The following RET variants were observed in gnomAD, a reference collection of about 807,000 sequenced individuals.
The protein encoded by RET is proto-oncogene tyrosine-protein kinase receptor Ret.
In RET, 19 loss-of-function variants were observed where a neutral mutation model predicts 118.3. The ratio of observed to expected loss-of-function variants is 0.16; its 90% confidence interval spans 0.11 to 0.24. The LOEUF (loss-of-function observed/expected upper bound fraction) is 0.24. Among genes scored for constraint, RET ranks in the 10% least tolerant of loss-of-function variants. RET has a pLI of 1.00. For synonymous variants in RET, 597 were observed against 644.1 expected (o/e 0.93, Z 1.11); for missense variants, 1,219 against 1,502.1 (o/e 0.81, Z 3.12).
intron 1 of RET, among the ~76,000 whole-genome samples, chr10:43,095,619 T>A (rs1184922222): frequency 6.6e-6 from 1 of 152,228 alleles, no homozygotes; most frequent in Non-Finnish European, 1.5e-5. Context: ...GTCTAGCACT[T>A]CACTCTGTCA....
rs756270716 is a variant in RET, at chr10:43,126,525, A to G, written c.3040-50A>G. The stretch of plus-strand genomic sequence containing the variant: ...GATGGCTTGTTGTATACTGAGTTGT[A>G]TCTAGTTGTGGCACATGGCTTGGAG... On this transcript the variant is annotated intron_variant, in intron 18 of 19. Transcript: ENST00000355710. The G allele has an allele frequency of 6.0e-6, 9 of 1,505,206 alleles. No homozygotes were observed. In the Admixed American group the frequency reaches 6.7e-5, roughly 11 times the overall value. The allele number at this position is 1,505,206 out of a possible 1,614,324, so 93.2% of individuals were successfully genotyped here.
rs1359755826 is a variant in RET, at chr10:43,077,086, A to G, written c.-173A>G. 24 of 938,582 alleles carry G rather than the reference A, an allele frequency of 2.6e-5. No homozygotes were observed. The highest frequency in any genetic ancestry group is 3.0e-5 in the Non-Finnish European group (22 of 726,606). The allele number at this position is 938,582 out of a possible 1,614,324, so 58.1% of individuals were successfully genotyped here. A position where few individuals can be genotyped will look rare whatever the true frequency, so the allele number is the denominator to read the frequency against. ...CTCGCTTCAGTCCCGCGACCGAAGC[A>G]GGGCGCGCAGCAGCGCTGAGTGCCC... is the stretch of plus-strand genomic sequence containing the variant. On this transcript the variant is annotated 5_prime_UTR_variant, in exon 1 of 20. Transcript: ENST00000355710.
intron 1 of RET, among the ~76,000 whole-genome samples, chr10:43,092,887 C>T (rs570497249): frequency 7.2e-5 from 11 of 152,334 alleles, no homozygotes; most frequent in East Asian, 3.9e-4. Flanking sequence ...ACAGCCTGCC[C>T]GTGGCTCCAG....
intron 19 of RET, chr10:43,127,368 T>C: frequency 3.8e-6 from 4 of 1,064,934 alleles, no homozygotes; most frequent in Non-Finnish European, 4.5e-6. Flanking sequence ...CGGTTGTCAC[T>C]TATGAAGTCA....
intron 15 of RET, among the ~76,000 whole-genome samples, chr10:43,120,959 A>G (rs1442657264): frequency 1.3e-5 from 2 of 152,118 alleles, no homozygotes; most frequent in Non-Finnish European, 2.9e-5. Context: ...AAAAAACCAC[A>G]AAAGGCGACT....
In RET at chr10:43,122,950, T is replaced by C. The variant is rs113711478; in HGVS notation, c.2802-721T>C. Among the ~76,000 whole-genome samples the C allele has an allele frequency of 5.0e-3, 765 of 152,208 alleles. 4 individuals carry two copies. Among genetic ancestry groups the C allele is most frequent in the African/African-American group, 0.017 (713 of 41,516 alleles). On this transcript the variant is annotated intron_variant, in intron 16 of 19. Coordinates refer to ENST00000355710, the MANE Select transcript of RET (RefSeq NM_020975.6). ...AATACTGTGGGCTGTGAATAAGCAA[T>C]TGGACAACAGCTTTCCGATTATATA...
In RET at chr10:43,100,449, C is replaced by A. The variant is rs1157484202; in HGVS notation, c.74-10C>A. 6.2e-7 allele frequency: 1 copy of A among 1,612,598 alleles called. No homozygotes were observed. The highest frequency in any genetic ancestry group is 8.5e-7 in the Non-Finnish European group (1 of 1,179,728). ...TCACCATCCCTCACTCACTTCCCTA[C>A]TTCCCACAGTGGCATTGGGCCTCTA... On this transcript the variant is annotated splice_polypyrimidine_tract_variant and intron_variant, in intron 1 of 19. Coordinates refer to ENST00000355710, the MANE Select transcript of RET (RefSeq NM_020975.6).
intron 3 of RET, chr10:43,104,635 G>T (rs886814548): frequency 3.9e-6 from 2 of 509,592 alleles, no homozygotes; most frequent in Non-Finnish European, 7.1e-6. Flanking sequence ...CCAGGTGGGC[G>T]GAGGGGTGTC....
chr10:43,082,884 T>C (rs2506017), intron 1 of RET, among the ~76,000 whole-genome samples: 63,046 of 152,068 alleles, frequency 0.41, 13,208 homozygotes, highest in Admixed American at 0.45. Flanking sequence ...GCTGGTGCAG[T>C]TCTGGAGGGA....
At chr10:43,110,162 G>A (rs1415552078) in intron 6 of RET, among the ~76,000 whole-genome samples, 1 of 150,762 alleles carries the variant, frequency 6.6e-6, no homozygotes, top group East Asian at 2.0e-4. Context: ...GGCCCCGGGG[G>A]GTCTCATGGG....
chr10:43,078,568 A>G (rs1740669644), intron 1 of RET, among the ~76,000 whole-genome samples: 1 of 152,220 alleles, frequency 6.6e-6, no homozygotes, highest in Non-Finnish European at 1.5e-5. Flanking sequence ...CCAGTGCTGC[A>G]GGGGGAAGAC....
At chr10:43,110,231 C>T (rs1356380916) in intron 6 of RET, among the ~76,000 whole-genome samples, 3 of 152,198 alleles carry the variant, frequency 2.0e-5, no homozygotes, top group Non-Finnish European at 4.4e-5. Flanking sequence ...TCAGGAGCAA[C>T]GGGGGCCTGA....
intron 1 of RET, among the ~76,000 whole-genome samples, chr10:43,093,127 G>A (rs902046428): frequency 1.6e-4 from 25 of 152,320 alleles, no homozygotes; most frequent in Non-Finnish European, 2.6e-4. Flanking sequence ...TAAGAGTGAG[G>A]AGGAAGTGAG....
chr10:43,086,264 C>T (rs1837285857), intron 1 of RET, among the ~76,000 whole-genome samples: 2 of 152,220 alleles, frequency 1.3e-5, no homozygotes, highest in Admixed American at 6.5e-5. Context: ...GTGGGTGATG[C>T]AGATGAAGCG....
chr10:43,101,970 ATGTC>A (rs1166954245), intron 2 of RET, among the ~76,000 whole-genome samples: 1 of 152,072 alleles, frequency 6.6e-6, no homozygotes, highest in Non-Finnish European at 1.5e-5. Context: ...TTGGGGAAGT[ATGTC>A]TGCGGCCACT....
Position 43,128,682 on chromosome 10 carries a change from C to T in RET, c.*413C>T, listed in dbSNP as rs1838385723. 1 of 391,508 alleles carries T rather than the reference C, an allele frequency of 2.6e-6. No individual in the cohort carries two copies. The highest frequency in any genetic ancestry group is 4.8e-6 in the Non-Finnish European group (1 of 209,336). The allele number at this position is 391,508 out of a possible 1,614,324, so 24.3% of individuals were successfully genotyped here. ...GCCAAACAAGGCAAAAAAATTTAAACATGAAGCACACACACAAAAAAGGCA... is the reference window on the plus strand; with the variant it reads ...GCCAAACAAGGCAAAAAAATTTAAATATGAAGCACACACACAAAAAAGGCA... On this transcript the variant is annotated 3_prime_UTR_variant, in exon 20 of 20. Transcript: ENST00000355710.
chr10:43,086,970 G>T (rs1588854337), intron 1 of RET, among the ~76,000 whole-genome samples: 1 of 152,238 alleles, frequency 6.6e-6, no homozygotes, highest in Admixed American at 6.5e-5. Context: ...GCCATGCCTG[G>T]ACCCCTTCCC....
chr10:43,121,357 G>A (rs1188884167), intron 15 of RET, among the ~76,000 whole-genome samples: 1 of 152,196 alleles, frequency 6.6e-6, no homozygotes. Flanking sequence ...CTTGTCTGTG[G>A]AGAAGCTGTT....
intron 3 of RET, 194 bp from the exon 4 acceptor site, chr10:43,104,758 C>A: frequency 1.2e-6 from 1 of 812,482 alleles, no homozygotes; most frequent in Non-Finnish European, 1.9e-6. Flanking sequence ...ACTGCAAACT[C>A]GTAAGCACAG....
Sources: allele counts gnomAD v4.1 joint callset (sites outside exome capture counted in the v4.1 genomes callset), GRCh38; gene constraint gnomAD v4.1.1; transcripts MANE v1.5; gene names NCBI Gene and HGNC (gene_info 2026-07-23, HGNC 2026-07-21).